The following HS3ST5 variants were observed in gnomAD, a reference collection of about 807,000 sequenced individuals.
HS3ST5 encodes the protein heparan sulfate-glucosamine 3-sulfotransferase 5, also known as heparan sulfate glucosamine 3-O-sulfotransferase 5.
HS3ST5 carries 10 observed loss-of-function variants against 25.4 expected under a neutral mutation model. The observed-to-expected ratio is 0.39, with a 90% confidence interval of 0.24 to 0.67. The LOEUF (loss-of-function observed/expected upper bound fraction) is 0.67, where lower values mean the gene tolerates loss of function less well. Ranked by LOEUF, HS3ST5 falls within the 30% of genes least tolerant of loss-of-function variation. The pLI is 0.44. For missense variants in HS3ST5, 324 were observed against 420.7 expected (o/e 0.77, Z 2.01); for synonymous variants, 170 against 162.4 (o/e 1.05, Z -0.36).
chr6:114,062,807 G>A lies in HS3ST5; in HGVS notation c.39C>T (p.Leu13=). The A allele has an allele frequency of 6.2e-7, 1 of 1,614,022 alleles. No individual in the cohort carries two copies. The highest frequency in any genetic ancestry group is 8.5e-7 in the Non-Finnish European group (1 of 1,179,950). The part of the protein sequence containing the change: ...FKQQAWLRQK[L]LVLGSLAVGS... ...CAACGGCAAGGCTTCCCAGCACCAGGAGCTTCTGTCTCAGCCACGCCTGCT... is the reference window on the plus strand; with the variant it reads ...CAACGGCAAGGCTTCCCAGCACCAGAAGCTTCTGTCTCAGCCACGCCTGCT... Residue 13 remains leucine, a synonymous_variant, in exon 4 of 5, where the codon CTC becomes CTT. Transcript: ENST00000312719.
chr6:114,277,309 C>T (rs1773903100), intron 1 of HS3ST5, among the ~76,000 whole-genome samples: 1 of 150,974 alleles, frequency 6.6e-6, no homozygotes, highest in Admixed American at 6.6e-5. Flanking sequence ...ATTGTCTGCC[C>T]ATGGTGGATA....
chr6:114,099,773 T>C (rs1775630056), intron 3 of HS3ST5, among the ~76,000 whole-genome samples: 1 of 152,152 alleles, frequency 6.6e-6, no homozygotes, highest in South Asian at 2.1e-4. Context: ...AGCCTAATAT[T>C]AGCGTCCATG....
At chr6:114,266,484 A>G (rs2114686011) in intron 1 of HS3ST5, among the ~76,000 whole-genome samples, 1 of 152,342 alleles carries the variant, frequency 6.6e-6, no homozygotes, top group Non-Finnish European at 1.5e-5. Flanking sequence ...AACTCTCTGT[A>G]TCAGTTGTCT....
chr6:114,131,032 A>G (rs1240887284), intron 3 of HS3ST5, among the ~76,000 whole-genome samples: 1 of 151,948 alleles, frequency 6.6e-6, no homozygotes, highest in Non-Finnish European at 1.5e-5. Flanking sequence ...ACAAAGCAAG[A>G]TCCTGTCTCT....
intron 3 of HS3ST5, among the ~76,000 whole-genome samples, chr6:114,104,642 A>T (rs1775903353): frequency 6.6e-6 from 1 of 152,208 alleles, no homozygotes. Flanking sequence ...TGAGAAGCAA[A>T]TGTAGCTTCC....
intron 1 of HS3ST5, among the ~76,000 whole-genome samples, chr6:114,254,896 T>C (rs1772834142): frequency 6.6e-6 from 1 of 152,086 alleles, no homozygotes; most frequent in African/African-American, 2.4e-5. Flanking sequence ...GAGATTTGGG[T>C]AGGGACACAG....
intron 3 of HS3ST5, among the ~76,000 whole-genome samples, chr6:114,090,786 A>G (rs971565819): frequency 6.6e-6 from 1 of 152,240 alleles, no homozygotes; most frequent in African/African-American, 2.4e-5. Flanking sequence ...TAAATGAACA[A>G]GAAGTAAATA....
chr6:114,108,520 A>G (rs79554608), intron 3 of HS3ST5, among the ~76,000 whole-genome samples: 10,063 of 152,256 alleles, frequency 0.066, 389 homozygotes, highest in Non-Finnish European at 0.081. Flanking sequence ...TGTCCAGTGC[A>G]CACACTGGAA....
intron 3 of HS3ST5, among the ~76,000 whole-genome samples, chr6:114,102,272 C>T (rs1012656979): frequency 1.3e-5 from 2 of 152,168 alleles, no homozygotes; most frequent in Non-Finnish European, 2.9e-5. Flanking sequence ...TTACTGCACT[C>T]CTGGCTTGGA....
chr6:114,219,594 T>G (rs1781936140), intron 2 of HS3ST5, among the ~76,000 whole-genome samples: 1 of 152,138 alleles, frequency 6.6e-6, no homozygotes, highest in Admixed American at 6.5e-5. Flanking sequence ...ATTTTCACAG[T>G]TTTTCTTTCA....
At chr6:114,067,855 A>C (rs1162323588) in intron 3 of HS3ST5, among the ~76,000 whole-genome samples, 1 of 152,112 alleles carries the variant, frequency 6.6e-6, no homozygotes, top group Admixed American at 6.5e-5. Context: ...GAGTCAAAAG[A>C]CCTTGGGTCA....
intron 3 of HS3ST5, among the ~76,000 whole-genome samples, chr6:114,104,904 G>A (rs1401772): frequency 0.28 from 42,628 of 151,866 alleles, 6,702 homozygotes; most frequent in Admixed American, 0.4. Flanking sequence ...TTTGAAGCAG[G>A]TACCTGTGCT....
intron 1 of HS3ST5, among the ~76,000 whole-genome samples, chr6:114,283,523 A>C (rs1218881909): frequency 6.6e-6 from 1 of 152,012 alleles, no homozygotes; most frequent in African/African-American, 2.4e-5. Context: ...TCATAAAATA[A>C]ACATCATCTT....
At chr6:114,062,987 T>A (rs899495306) in intron 3 of HS3ST5, 110 bp from the exon 4 acceptor site, 1 of 604,176 alleles carries the variant, frequency 1.7e-6, no homozygotes, top group Non-Finnish European at 2.9e-6. Context: ...AAAGAGCAGA[T>A]CCCATACCAA....
intron 2 of HS3ST5, among the ~76,000 whole-genome samples, chr6:114,191,964 C>G (rs1780526543): frequency 6.6e-6 from 1 of 152,090 alleles, no homozygotes; most frequent in African/African-American, 2.4e-5. Context: ...AATTATTCCC[C>G]AAAGCCAAAG....
intron 3 of HS3ST5, among the ~76,000 whole-genome samples, chr6:114,087,808 C>CTATAA (rs954059328): frequency 6.6e-6 from 1 of 152,152 alleles, no homozygotes; most frequent in Non-Finnish European, 1.5e-5. Context: ...CTGTCCTGTG[C>CTATAA]TATAACATCC....
chr6:114,063,739 A>C (rs932365776), intron 3 of HS3ST5, among the ~76,000 whole-genome samples: 13 of 152,322 alleles, frequency 8.5e-5, no homozygotes, highest in Admixed American at 5.2e-4. Flanking sequence ...ATCAGTGGTG[A>C]CTATCAGGAT....
At chr6:114,071,253 T>C (rs1773803835) in intron 3 of HS3ST5, among the ~76,000 whole-genome samples, 1 of 152,152 alleles carries the variant, frequency 6.6e-6, no homozygotes, top group African/African-American at 2.4e-5. Context: ...AGCACTGCTG[T>C]GAGGAGTAAA....
At chr6:114,128,186 G>A (rs931295974) in intron 3 of HS3ST5, among the ~76,000 whole-genome samples, 1 of 152,052 alleles carries the variant, frequency 6.6e-6, no homozygotes, top group Non-Finnish European at 1.5e-5. Flanking sequence ...CCACTGAAAA[G>A]TTTCTGTGAT....
Sources: allele counts gnomAD v4.1 joint callset (sites outside exome capture counted in the v4.1 genomes callset), GRCh38; gene constraint gnomAD v4.1.1; transcripts MANE v1.5; gene names NCBI Gene and HGNC (gene_info 2026-07-23, HGNC 2026-07-21).